ANKS1B: variants seen among roughly 807,000 people sequenced by gnomAD.
The protein encoded by ANKS1B is ankyrin repeat and sterile alpha motif domain containing 1B, also known as ankyrin repeat and sterile alpha motif domain-containing protein 1B.
In ANKS1B, 36 loss-of-function variants were observed where a neutral mutation model predicts 148.3. That is an observed-to-expected ratio of 0.24 (90% CI 0.19 to 0.32). The LOEUF is 0.32. Ranked by LOEUF, ANKS1B falls within the 10% of genes least tolerant of loss-of-function variation. The pLI is 1.00. For synonymous variants in ANKS1B, 542 were observed against 560.8 expected (o/e 0.97, Z 0.47); for missense variants, 1,157 against 1,542.6 (o/e 0.75, Z 4.19).
chr12:99,250,361 A>G (rs1263662148), intron 12 of ANKS1B, among the ~76,000 whole-genome samples: 4 of 152,252 alleles, frequency 2.6e-5, no homozygotes, highest in African/African-American at 9.6e-5. Context: ...TACTATCTCT[A>G]GGAATTAGCT....
rs572462706 is a variant in ANKS1B at position 99,368,428 on chromosome 12, T to C, written c.1756+31203A>G. Among the ~76,000 whole-genome samples the C allele has an allele frequency of 1.6e-4, 24 of 152,156 alleles. No homozygotes were observed. In the South Asian group the frequency reaches 1.9e-3, roughly 12 times the overall value. ...AAAATAATTAAAAAGTATTTAAAAATAGTTTTGTTCTCATTAGAACCTACT... is the reference window on the plus strand; with the variant it reads ...AAAATAATTAAAAAGTATTTAAAAACAGTTTTGTTCTCATTAGAACCTACT... On this transcript the variant is annotated intron_variant, in intron 12 of 26. Coordinates refer to ENST00000683438, the MANE Select transcript of ANKS1B (RefSeq NM_001352186.2).
intron 17 of ANKS1B, among the ~76,000 whole-genome samples, chr12:99,005,274 C>T (rs1349357532): frequency 1.3e-5 from 2 of 152,144 alleles, no homozygotes; most frequent in African/African-American, 2.4e-5. Context: ...CTAGGAAGGG[C>T]GTCGCTGTTG....
chr12:99,191,351 A>G (rs2080671846), intron 14 of ANKS1B, among the ~76,000 whole-genome samples: 1 of 152,202 alleles, frequency 6.6e-6, no homozygotes, highest in Admixed American at 6.5e-5. Context: ...CTGGGTACAT[A>G]CCCAAAGGAG....
chr12:99,690,763 G>C (rs12310035), intron 8 of ANKS1B, among the ~76,000 whole-genome samples: 4,784 of 152,216 alleles, frequency 0.031, 281 homozygotes, highest in African/African-American at 0.11. Flanking sequence ...CGGTTTTCCA[G>C]GTGCACAGTG....
intron 12 of ANKS1B, among the ~76,000 whole-genome samples, chr12:99,277,412 C>T (rs2077813696): frequency 6.6e-6 from 1 of 152,018 alleles, no homozygotes; most frequent in African/African-American, 2.4e-5. Context: ...AAAATGGCAG[C>T]TGAGAATCCA....
intron 8 of ANKS1B, among the ~76,000 whole-genome samples, chr12:99,733,720 A>G (rs1162861411): frequency 6.6e-6 from 1 of 152,204 alleles, no homozygotes. Context: ...CACCCAATGC[A>G]CTAATTATCA....
At chr12:98,973,520 T>C (rs2099885443) in intron 17 of ANKS1B, among the ~76,000 whole-genome samples, 1 of 152,172 alleles carries the variant, frequency 6.6e-6, no homozygotes, top group African/African-American at 2.4e-5. Flanking sequence ...AAACAGTTTA[T>C]TACGTTTTAA....
intron 9 of ANKS1B, among the ~76,000 whole-genome samples, chr12:99,558,202 G>A (rs904825951): frequency 1.2e-4 from 18 of 152,108 alleles, no homozygotes; most frequent in Admixed American, 5.2e-4. Flanking sequence ...GGCGGTATTC[G>A]TATGCATGCT....
At chr12:99,440,134 A>T (rs948652693) in intron 11 of ANKS1B, among the ~76,000 whole-genome samples, 4 of 151,852 alleles carry the variant, frequency 2.6e-5, no homozygotes, top group African/African-American at 9.7e-5. Context: ...CTTGCCTCCA[A>T]GGCAGGAAGG....
chr12:99,779,646 G>A (rs1486328004), intron 6 of ANKS1B, among the ~76,000 whole-genome samples: 1 of 151,876 alleles, frequency 6.6e-6, no homozygotes, highest in Non-Finnish European at 1.5e-5. Flanking sequence ...TATCAAATGA[G>A]TAAATAAATA....
chr12:99,239,306 G>A (rs2088733050), intron 14 of ANKS1B, among the ~76,000 whole-genome samples: 1 of 152,164 alleles, frequency 6.6e-6, no homozygotes, highest in South Asian at 2.1e-4. Flanking sequence ...TCAAGTGGAA[G>A]AAAGGATAAC....
intron 17 of ANKS1B, among the ~76,000 whole-genome samples, chr12:98,897,617 G>C (rs975196436): frequency 1.3e-5 from 2 of 152,152 alleles, no homozygotes; most frequent in African/African-American, 2.4e-5. Context: ...CACAATTGGT[G>C]GGAATGTAAA....
intron 15 of ANKS1B, chr12:99,099,923 C>T (rs2057463227): frequency 6.6e-6 from 1 of 152,146 alleles, no homozygotes; most frequent in Non-Finnish European, 1.5e-5. Context: ...CCCACATTTT[C>T]ATTTTGGACT....
chr12:99,750,054 T>C (rs1346593992), intron 8 of ANKS1B, among the ~76,000 whole-genome samples: 1 of 152,062 alleles, frequency 6.6e-6, no homozygotes, highest in Non-Finnish European at 1.5e-5. Context: ...ACATTCTATC[T>C]CACAGTTGAA....
intron 9 of ANKS1B, among the ~76,000 whole-genome samples, chr12:99,585,108 A>T (rs811500): frequency 1.3e-5 from 2 of 152,140 alleles, no homozygotes; most frequent in East Asian, 3.9e-4. Flanking sequence ...CTCATCTGAG[A>T]AAAGGCAAGT....
intron 17 of ANKS1B, among the ~76,000 whole-genome samples, chr12:98,958,087 C>T (rs1240682803): frequency 1.3e-5 from 2 of 152,216 alleles, no homozygotes; most frequent in Non-Finnish European, 2.9e-5. Context: ...GAGCTTTACG[C>T]TCAGGTTGAG....
chr12:98,957,532 G>C (rs540880688), intron 17 of ANKS1B, among the ~76,000 whole-genome samples: 3 of 151,930 alleles, frequency 2.0e-5, no homozygotes, highest in East Asian at 3.9e-4. Context: ...ATTTTTAGTA[G>C]AGACGGGTTT....
At chr12:99,262,950 G>C (rs1437792462) in intron 12 of ANKS1B, among the ~76,000 whole-genome samples, 1 of 151,914 alleles carries the variant, frequency 6.6e-6, no homozygotes, top group Non-Finnish European at 1.5e-5. Context: ...GTTTTCATCA[G>C]TAAATTTTTG....
intron 14 of ANKS1B, among the ~76,000 whole-genome samples, chr12:99,231,545 A>G (rs2086850147): frequency 6.6e-6 from 1 of 152,136 alleles, no homozygotes; most frequent in South Asian, 2.1e-4. Flanking sequence ...ATTGAATACA[A>G]AAAATGTTGA....
Sources: gnomAD v4.1 joint callset for allele counts (sites outside exome capture counted in the v4.1 genomes callset) on GRCh38, gnomAD v4.1.1 for gene constraint, MANE v1.5 for transcripts, NCBI Gene and HGNC (gene_info 2026-07-23, HGNC 2026-07-21) for gene names.